The following STK4 variants were observed in gnomAD, a reference collection of about 807,000 sequenced individuals.
The protein encoded by STK4 is serine/threonine-protein kinase 4.
STK4 carries 30 observed loss-of-function variants against 64.9 expected under a neutral mutation model. The ratio of observed to expected loss-of-function variants is 0.46; its 90% CI spans 0.35 to 0.63. The LOEUF (loss-of-function observed/expected upper bound fraction) is 0.63, where lower values mean the gene tolerates loss of function less well. Among genes scored for constraint, STK4 ranks in the 20% least tolerant of loss-of-function variants. The pLI, the probability that STK4 is intolerant of heterozygous loss-of-function variation, is 0.01. For missense variants in STK4, 466 were observed against 598.5 expected (o/e 0.78, Z 2.31); for synonymous variants, 177 against 199.0 (o/e 0.89, Z 0.93).
chr20:45,066,181 TACACACACACACAC>T (rs11472596), intron 10 of STK4, among the ~76,000 whole-genome samples: 5 of 147,514 alleles, frequency 3.4e-5, no homozygotes, highest in East Asian at 4.0e-4. Flanking sequence ...ATTATATATC[TACACACACACACAC>T]ACACACACAC....
chr20:45,022,601 AC>A (rs1398949480), intron 9 of STK4, among the ~76,000 whole-genome samples: 1 of 152,236 alleles, frequency 6.6e-6, no homozygotes, highest in Non-Finnish European at 1.5e-5. Flanking sequence ...TTAGAATTAG[AC>A]CACAGAAATG....
chr20:45,064,973 T>G (rs1468629116), intron 10 of STK4, among the ~76,000 whole-genome samples: 1 of 152,200 alleles, frequency 6.6e-6, no homozygotes, highest in Non-Finnish European at 1.5e-5. Context: ...CTGGGAGGAC[T>G]TCCAGTACTG....
chr20:45,013,168 T>C (rs1297508390), intron 9 of STK4, among the ~76,000 whole-genome samples: 8 of 151,958 alleles, frequency 5.3e-5, no homozygotes, highest in Admixed American at 5.2e-4. Flanking sequence ...CATTCTTGTC[T>C]TGTTGCTCAC....
chr20:45,065,307 T>C (rs775097065), intron 10 of STK4, among the ~76,000 whole-genome samples: 1 of 152,226 alleles, frequency 6.6e-6, no homozygotes, highest in Non-Finnish European at 1.5e-5. Flanking sequence ...GACTACTTGA[T>C]AGTGGTGGAT....
intron 10 of STK4, among the ~76,000 whole-genome samples, chr20:45,060,440 A>G (rs2145458522): frequency 6.6e-6 from 1 of 152,128 alleles, no homozygotes; most frequent in Admixed American, 6.5e-5. Flanking sequence ...TGCACTATAA[A>G]TGTGTGACGA....
At chr20:44,986,998 T>G in intron 4 of STK4, 134 bp from the exon 5 acceptor site, 2 of 664,982 alleles carry the variant, frequency 3.0e-6, no homozygotes, top group South Asian at 4.4e-5. Flanking sequence ...ATCTATGGTA[T>G]AAGCAGTCAA....
At chr20:44,993,666 C>T (rs1161131564) in intron 5 of STK4, among the ~76,000 whole-genome samples, 1 of 152,146 alleles carries the variant, frequency 6.6e-6, no homozygotes, top group Non-Finnish European at 1.5e-5. Context: ...AGTCCTTTTT[C>T]GTATTTAGTT....
chr20:45,063,949 A>G (rs1414765191), intron 10 of STK4, among the ~76,000 whole-genome samples: 1 of 151,758 alleles, frequency 6.6e-6, no homozygotes, highest in Non-Finnish European at 1.5e-5. Context: ...CTGGGAATAC[A>G]GGCGCCCGCC....
At chr20:44,984,331 C>T (rs911061066) in intron 4 of STK4, among the ~76,000 whole-genome samples, 5 of 150,832 alleles carry the variant, frequency 3.3e-5, no homozygotes, top group African/African-American at 1.2e-4. Flanking sequence ...GGTAGCTGTA[C>T]TCCCTAGTAC....
intron 10 of STK4, among the ~76,000 whole-genome samples, chr20:45,036,610 A>C (rs1037014451): frequency 6.6e-6 from 1 of 152,270 alleles, no homozygotes; most frequent in East Asian, 1.9e-4. Flanking sequence ...ATAAGGGGGG[A>C]AAAACCATAT....
chr20:45,039,329 C>T (rs551130969), intron 10 of STK4, among the ~76,000 whole-genome samples: 7 of 152,148 alleles, frequency 4.6e-5, no homozygotes, highest in Non-Finnish European at 8.8e-5. Context: ...AAAAAAACCC[C>T]ACATTCCTTG....
chr20:44,981,963 C>T lies in STK4; in HGVS notation c.360+20C>T, dbSNP rs1385495719. The T allele has an allele frequency of 2.0e-6, 3 of 1,530,440 alleles. No individual in the cohort carries two copies. Among genetic ancestry groups the T allele is most frequent in the Non-Finnish European group, 9.1e-7 (1 of 1,104,170 alleles). 94.8% of individuals were successfully genotyped at this position (1,530,440 alleles called of 1,614,324 possible). A position where few individuals can be genotyped will look rare whatever the true frequency, so the allele number is the denominator to read the frequency against. On this transcript the variant is annotated intron_variant, in intron 4 of 10. Transcript: ENST00000372806. ...AAAACGGTAGGTTTACCTTCTAGAA[C>T]ATGCAACTGAGCTAGTTTCTTATGC...
chr20:45,002,812 G>C (rs954494922), intron 9 of STK4, among the ~76,000 whole-genome samples: 3 of 152,018 alleles, frequency 2.0e-5, no homozygotes, highest in African/African-American at 7.3e-5. Flanking sequence ...AGTGAGAGGA[G>C]TAAGGGGTAA....
chr20:45,036,373 G>C (rs2068527586), intron 10 of STK4, among the ~76,000 whole-genome samples: 2 of 152,082 alleles, frequency 1.3e-5, no homozygotes, highest in African/African-American at 4.8e-5. Context: ...TCATCCCTTT[G>C]TCCAGCATAT....
At chr20:45,051,582 C>T (rs978713956) in intron 10 of STK4, among the ~76,000 whole-genome samples, 2 of 152,106 alleles carry the variant, frequency 1.3e-5, no homozygotes, top group Non-Finnish European at 2.9e-5. Flanking sequence ...ATTTGTTGTG[C>T]TGGTATGTTT....
intron 10 of STK4, among the ~76,000 whole-genome samples, chr20:45,036,520 G>A (rs780362177): frequency 6.6e-6 from 1 of 152,086 alleles, no homozygotes; most frequent in Non-Finnish European, 1.5e-5. Flanking sequence ...CGAGAGTAGC[G>A]ATGCTGGCAA....
At chr20:44,968,669 G>A (rs140913303) in intron 1 of STK4, among the ~76,000 whole-genome samples, 2 of 152,288 alleles carry the variant, frequency 1.3e-5, no homozygotes, top group African/African-American at 4.8e-5. Context: ...CCTTTGCCTT[G>A]TCTTACATAA....
intron 6 of STK4, 25 bp from the exon 7 acceptor site, chr20:44,997,144 T>C: frequency 1.3e-6 from 2 of 1,598,768 alleles, no homozygotes; most frequent in Non-Finnish European, 1.7e-6. Flanking sequence ...CCAGATCTTT[T>C]TGTTTGTTTG....
intron 3 of STK4, among the ~76,000 whole-genome samples, chr20:44,979,572 A>C (rs1468629191): frequency 6.6e-6 from 1 of 152,182 alleles, no homozygotes; most frequent in East Asian, 1.9e-4. Context: ...TAGGGAGCTG[A>C]AGATGGGTGA....
Sources: allele counts gnomAD v4.1 joint callset (sites outside exome capture counted in the v4.1 genomes callset), GRCh38; gene constraint gnomAD v4.1.1; transcripts MANE v1.5; gene names NCBI Gene and HGNC (gene_info 2026-07-23, HGNC 2026-07-21).